TRIO: variants seen among roughly 807,000 people sequenced by gnomAD.
TRIO encodes triple functional domain protein.
Under a neutral mutation model 351.9 loss-of-function variants are expected in TRIO, and 58 were observed. The ratio of observed to expected loss-of-function variants is 0.16; its 90% CI spans 0.13 to 0.21. The LOEUF (loss-of-function observed/expected upper bound fraction) is 0.21, where lower values mean the gene tolerates loss of function less well. Among genes scored for constraint, TRIO ranks in the 10% least tolerant of loss-of-function variants. The probability of loss-of-function intolerance (pLI) is 1.00; values close to 1 mark genes in which losing one functional copy is unlikely to be tolerated. For synonymous variants in TRIO, 1,758 were observed against 1,595.7 expected (o/e 1.10, Z -2.42); for missense variants, 3,201 against 4,027.8 (o/e 0.79, Z 5.56).
intron 34 of TRIO, among the ~76,000 whole-genome samples, chr5:14,460,314 C>T (rs1753680388): frequency 6.6e-6 from 1 of 152,162 alleles, no homozygotes; most frequent in Non-Finnish European, 1.5e-5. Flanking sequence ...TGAGCAAAGT[C>T]CCGGTGTGCC....
chr5:14,449,346 G>A (rs1475054314), intron 34 of TRIO, among the ~76,000 whole-genome samples: 1 of 152,204 alleles, frequency 6.6e-6, no homozygotes, highest in Non-Finnish European at 1.5e-5. Context: ...TCCCATGGAG[G>A]CGGCTTCCGT....
Position 14,497,756 on chromosome 5 carries a change from T to A in TRIO, c.8020-91T>A, listed in dbSNP as rs532765236. 68 of 1,553,872 alleles carry A rather than the reference T, an allele frequency of 4.4e-5. No homozygotes were observed. The African/African-American group carries it at 8.0e-4, about 18-fold the overall frequency. ...GCCCAGGCAAGTCAGTTTCTGCAAATCTTTCAACAATAATTGTAGCCCTGG... is the reference window on the plus strand; with the variant it reads ...GCCCAGGCAAGTCAGTTTCTGCAAAACTTTCAACAATAATTGTAGCCCTGG... On this transcript the variant is annotated intron_variant, in intron 50 of 56. Coordinates refer to ENST00000344204, the MANE Select transcript of TRIO (RefSeq NM_007118.4). The surrounding 1 kb of genome is among the most constrained non-coding windows in gnomAD (Gnocchi z 4.4).
At chr5:14,233,568 T>C (rs781762242) in intron 1 of TRIO, among the ~76,000 whole-genome samples, 1 of 152,102 alleles carries the variant, frequency 6.6e-6, no homozygotes, top group Non-Finnish European at 1.5e-5. Flanking sequence ...TTCCTTCTCT[T>C]ATTATTATCT....
intron 34 of TRIO, among the ~76,000 whole-genome samples, chr5:14,428,200 G>T (rs528611750): frequency 6.6e-6 from 1 of 152,254 alleles, no homozygotes; most frequent in Non-Finnish European, 1.5e-5. Context: ...AGGGTATTAA[G>T]AGTTTAGTGA....
At chr5:14,159,635 C>T (rs917867206) in intron 1 of TRIO, among the ~76,000 whole-genome samples, 4 of 151,672 alleles carry the variant, frequency 2.6e-5, no homozygotes, top group Non-Finnish European at 4.4e-5. Flanking sequence ...GTGGCACGAC[C>T]TCGGCTCACT....
At chr5:14,507,557 G>A (rs1322878995) in intron 56 of TRIO, among the ~76,000 whole-genome samples, 2 of 152,142 alleles carry the variant, frequency 1.3e-5, no homozygotes, top group African/African-American at 4.8e-5. Flanking sequence ...GGTAGCTTAG[G>A]CGGGAAAGAG....
rs181357209 is a variant in TRIO at position 14,389,645 on chromosome 5, A to G, written c.4058+247A>G. On this transcript the variant is annotated intron_variant, in intron 25 of 56. Transcript: ENST00000344204. ...AGGAAAACTATGAAAATATTTTTAT[A>G]GGAAGCTTAATTTCTCTGAAGCCGA... is the stretch of plus-strand genomic sequence containing the variant. Among the ~76,000 whole-genome samples, 481 of 152,306 alleles carry G rather than the reference A, an allele frequency of 3.2e-3. 8 individuals carry two copies. Among genetic ancestry groups the G allele is most frequent in the Admixed American group, 0.03 (464 of 15,284 alleles).
At chr5:14,488,369 C>G (rs903836939) in intron 48 of TRIO, 109 bp downstream of exon 48, 2 of 1,442,738 alleles carry the variant, frequency 1.4e-6, no homozygotes, top group Non-Finnish European at 1.8e-6. Flanking sequence ...CGCTCTCCGC[C>G]GCCCGTTGCG....
At chr5:14,435,504 G>A (rs1751509927) in intron 34 of TRIO, among the ~76,000 whole-genome samples, 1 of 152,160 alleles carries the variant, frequency 6.6e-6, no homozygotes, top group African/African-American at 2.4e-5. Flanking sequence ...TTTGAACTGT[G>A]CAATACTCTG....
At chr5:14,263,750 T>A (rs1336406392) in intron 1 of TRIO, among the ~76,000 whole-genome samples, 1 of 152,140 alleles carries the variant, frequency 6.6e-6, no homozygotes, top group African/African-American at 2.4e-5. Context: ...TGTATGTGTG[T>A]GTGTATGGGT....
intron 34 of TRIO, among the ~76,000 whole-genome samples, chr5:14,429,449 G>A (rs1393886928): frequency 6.6e-6 from 1 of 152,196 alleles, no homozygotes; most frequent in African/African-American, 2.4e-5. Flanking sequence ...AGCTGAAAAT[G>A]CAAAGAGAAG....
intron 33 of TRIO, among the ~76,000 whole-genome samples, chr5:14,417,026 T>G (rs913920247): frequency 2.0e-5 from 3 of 152,158 alleles, no homozygotes; most frequent in Non-Finnish European, 4.4e-5. Flanking sequence ...GTACCCTCCT[T>G]CGGGGCCTGC....
chr5:14,362,687 C>T (rs1450054656), intron 13 of TRIO, among the ~76,000 whole-genome samples: 4 of 152,112 alleles, frequency 2.6e-5, no homozygotes, highest in Admixed American at 6.5e-5. Context: ...CGAGTCTTTG[C>T]GAGGTGGTGC....
chr5:14,483,004 A>G (rs1755648793), intron 46 of TRIO, among the ~76,000 whole-genome samples: 1 of 152,200 alleles, frequency 6.6e-6, no homozygotes, highest in South Asian at 2.1e-4. Context: ...CATTCTTACC[A>G]TGATGAGAAC....
Position 14,291,199 on chromosome 5 carries a change from C to T in TRIO, c.1024C>T (p.Leu342=), listed in dbSNP as rs764462386. The part of the protein sequence containing the change: ...RKLKLDQCFQ[L]RLFEQDAEKM... ...GCTGAAGCTGGACCAGTGCTTCCAG[C>T]TGAGGCTGTTTGAACAGGATGCTGA... Residue 342 remains leucine (L), a synonymous_variant, in exon 5 of 57, where the codon CTG becomes TTG. Transcript: ENST00000344204. The T allele has an allele frequency of 4.3e-6, 7 of 1,613,998 alleles. No homozygotes were observed. In the Admixed American group the frequency reaches 1.2e-4, roughly 27 times the overall value.
At chr5:14,298,147 T>A (rs1401523654) in intron 7 of TRIO, among the ~76,000 whole-genome samples, 1 of 152,246 alleles carries the variant, frequency 6.6e-6, no homozygotes, top group African/African-American at 2.4e-5. Context: ...ACATGGCATC[T>A]GACTTTGGCT....
chr5:14,230,764 G>A (rs959784771), intron 1 of TRIO, among the ~76,000 whole-genome samples: 1 of 152,086 alleles, frequency 6.6e-6, no homozygotes, highest in African/African-American at 2.4e-5. Context: ...AGATATTGGT[G>A]AGTCTTAATC....
chr5:14,198,036 G>T (rs1385114541), intron 1 of TRIO, among the ~76,000 whole-genome samples: 1 of 152,100 alleles, frequency 6.6e-6, no homozygotes, highest in Non-Finnish European at 1.5e-5. Flanking sequence ...CATTGCCTCT[G>T]CTTAAATCAT....
In TRIO at chr5:14,482,655, T is replaced by C; in HGVS notation, c.6539T>C (p.Leu2180Pro). ...FLVTDQDAGL[L>P]PRCRERRIFL... Reference sequence around the variant, plus strand: ...GTCACAGACCAAGATGCAGGACTTCTGCCTCGCTGCAGAGAGAGGCGCATC... The same window carrying C: ...GTCACAGACCAAGATGCAGGACTTCCGCCTCGCTGCAGAGAGAGGCGCATC... The change falls in exon 46 of 57, where the codon CTG becomes CCG. Residue 2180 changes from leucine (L) to proline (P), a missense_variant. Around this residue, in one of 19 missense-constraint regions of TRIO, gnomAD observed 1,089 missense variants for 954.9 expected, o/e 1.14. Coordinates refer to ENST00000344204, the MANE Select transcript of TRIO (RefSeq NM_007118.4). The C allele has an allele frequency of 1.1e-5, 17 of 1,608,254 alleles. No individual in the cohort carries two copies. The highest frequency in any genetic ancestry group is 1.4e-5 in the Non-Finnish European group (17 of 1,176,156).
Sources: gnomAD v4.1 joint callset for allele counts (sites outside exome capture counted in the v4.1 genomes callset) on GRCh38, gnomAD v4.1.1 for gene constraint, gnomAD v4.1.1 regional missense constraint, Gnocchi (gnomAD v3.1) non-coding constraint, MANE v1.5 for transcripts, NCBI Gene and HGNC (gene_info 2026-07-23, HGNC 2026-07-21) for gene names.